Variants in ACYP2 observed in about 807,000 individuals in gnomAD.
ACYP2 encodes acylphosphatase 2.
Under a neutral mutation model 11.2 loss-of-function variants are expected in ACYP2, and 12 were observed. That is an observed-to-expected ratio of 1.08 (90% confidence interval 0.69 to 1.74). The LOEUF (loss-of-function observed/expected upper bound fraction) is 1.74, where lower values mean the gene tolerates loss of function less well. ACYP2 is among the 40% of genes most tolerant of loss of function. ACYP2 has a pLI of 0.00. For missense variants in ACYP2, 134 were observed against 101.9 expected (o/e 1.31, Z -1.35); for synonymous variants, 43 against 32.2 (o/e 1.33, Z -1.13).
At chr2:54,042,878 T>A (rs1268795049) in intron 2 of ACYP2, among the ~76,000 whole-genome samples, 4 of 152,190 alleles carry the variant, frequency 2.6e-5, no homozygotes, top group Non-Finnish European at 5.9e-5. Flanking sequence ...GACCAACCAA[T>A]CTTTCTTAGG....
chr2:54,238,838 A>G (rs576248814), intron 6 of ACYP2, among the ~76,000 whole-genome samples: 35 of 151,970 alleles, frequency 2.3e-4, no homozygotes, highest in South Asian at 4.2e-4. Flanking sequence ...ATGAGTGCTT[A>G]TAAGTACAAA....
chr2:54,194,387 A>G (rs1162253167), intron 6 of ACYP2, among the ~76,000 whole-genome samples: 3 of 152,126 alleles, frequency 2.0e-5, no homozygotes, highest in Non-Finnish European at 4.4e-5. Flanking sequence ...ATTTTAGTCA[A>G]TTCTACAGGA....
At chr2:54,226,684 A>C (rs1686024896) in intron 6 of ACYP2, among the ~76,000 whole-genome samples, 1 of 152,158 alleles carries the variant, frequency 6.6e-6, no homozygotes, top group Non-Finnish European at 1.5e-5. Flanking sequence ...AGTCTTTTCC[A>C]ATTTGATGTT....
intron 4 of ACYP2, chr2:54,065,439 T>C (rs994072350): frequency 8.8e-5 from 35 of 398,470 alleles, no homozygotes; most frequent in Non-Finnish European, 1.5e-4. Flanking sequence ...GGATGACCAA[T>C]TGTATGTACA....
intron 6 of ACYP2, among the ~76,000 whole-genome samples, chr2:54,162,936 C>T (rs889737185): frequency 2.0e-5 from 3 of 152,112 alleles, no homozygotes; most frequent in African/African-American, 4.8e-5. Context: ...TGCGGTGAAT[C>T]GTGATCACCG....
At chr2:54,149,472 A>G (rs916448893) in intron 6 of ACYP2, among the ~76,000 whole-genome samples, 1 of 152,210 alleles carries the variant, frequency 6.6e-6, no homozygotes. Context: ...TTTTTGATGC[A>G]TAAGGACTGT....
At position 54,123,386 on chromosome 2, in the gene ACYP2, G is replaced by C. The variant is rs550840933; in HGVS notation, c.278-12067G>C. The C allele has an allele frequency of 1.5e-5, 6 of 398,582 alleles. No homozygotes were observed. In the South Asian group the frequency reaches 7.6e-4, roughly 51 times the overall value. 24.7% of individuals were successfully genotyped at this position (398,582 alleles called of 1,614,324 possible). On this transcript the variant is annotated intron_variant, in intron 4 of 6. Transcript: ENST00000607452. ...TGTACGGTAAGCAAAATTGGAGAAT[G>C]ACTGCCCTTGTTCTACAAATAGAGG...
At chr2:54,139,483 G>A (rs1409532342) in intron 6 of ACYP2, among the ~76,000 whole-genome samples, 1 of 152,144 alleles carries the variant, frequency 6.6e-6, no homozygotes, top group East Asian at 1.9e-4. Context: ...CAAAAGCCTT[G>A]TGTTTTCAGC....
At chr2:54,180,157 C>T (rs1683644931) in intron 6 of ACYP2, among the ~76,000 whole-genome samples, 1 of 152,180 alleles carries the variant, frequency 6.6e-6, no homozygotes, top group African/African-American at 2.4e-5. Flanking sequence ...CATGCAGCTT[C>T]CATGCTGTCC....
At position 54,030,346 on chromosome 2, in the gene ACYP2, T is replaced by C. The variant is rs564205048; in HGVS notation, c.63-20612T>C. Among the ~76,000 whole-genome samples, 4 of 152,306 alleles carry C rather than the reference T, an allele frequency of 2.6e-5. No homozygotes were observed. The South Asian group carries it at 8.3e-4, about 32-fold the overall frequency. The stretch of plus-strand genomic sequence containing the variant: ...CTGGCACAAGGAATGTATGACTGTC[T>C]CTATTATTTTGGTTTGCTCCAGGTT... On this transcript the variant is annotated intron_variant, in intron 2 of 6. Coordinates refer to ENST00000607452, the MANE Select transcript of ACYP2 (RefSeq NM_001320586.2).
chr2:53,979,727 A>G (rs886771269), intron 2 of ACYP2, among the ~76,000 whole-genome samples: 1 of 151,958 alleles, frequency 6.6e-6, no homozygotes, highest in Non-Finnish European at 1.5e-5. Context: ...TTTTAGATGG[A>G]GTCTCACTCT....
At chr2:54,175,802 A>G (rs1043046613) in intron 6 of ACYP2, among the ~76,000 whole-genome samples, 6 of 152,116 alleles carry the variant, frequency 3.9e-5, no homozygotes, top group South Asian at 4.1e-4. Flanking sequence ...CGCTGTACAC[A>G]TGGTCCCTAC....
chr2:54,159,662 G>A (rs1297956985), intron 6 of ACYP2, among the ~76,000 whole-genome samples: 1 of 152,136 alleles, frequency 6.6e-6, no homozygotes, highest in Non-Finnish European at 1.5e-5. Flanking sequence ...GGGTGAGAGA[G>A]GTAGGCAGGT....
intron 6 of ACYP2, among the ~76,000 whole-genome samples, chr2:54,192,352 T>C (rs1057200773): frequency 1.3e-5 from 2 of 152,156 alleles, no homozygotes; most frequent in Non-Finnish European, 2.9e-5. Flanking sequence ...TATTACTGTT[T>C]TAAAATGTCC....
At chr2:54,243,652 C>G (rs1686825571) in intron 6 of ACYP2, among the ~76,000 whole-genome samples, 1 of 152,140 alleles carries the variant, frequency 6.6e-6, no homozygotes, top group South Asian at 2.1e-4. Flanking sequence ...TCACTGCAAC[C>G]TCTGCCTCCC....
intron 6 of ACYP2, among the ~76,000 whole-genome samples, chr2:54,289,504 T>G (rs1220453445): frequency 6.6e-6 from 1 of 152,012 alleles, no homozygotes; most frequent in Non-Finnish European, 1.5e-5. Context: ...AGATACATAT[T>G]TCTTCCTCAC....
At chr2:54,112,864 C>G (rs113908757) in intron 4 of ACYP2, among the ~76,000 whole-genome samples, 27 of 152,274 alleles carry the variant, frequency 1.8e-4, no homozygotes, top group African/African-American at 6.3e-4. Flanking sequence ...AAGCAAATGT[C>G]AATTGTTGCT....
At chr2:54,255,771 C>A in intron 6 of ACYP2, 1 of 1,613,934 alleles carries the variant, frequency 6.2e-7, no homozygotes, top group East Asian at 2.2e-5. Context: ...TTTCTAGAGC[C>A]TTCTCCCCAC....
At chr2:54,189,499 T>C (rs1431516811) in intron 6 of ACYP2, among the ~76,000 whole-genome samples, 2 of 152,138 alleles carry the variant, frequency 1.3e-5, no homozygotes, top group African/African-American at 2.4e-5. Context: ...GGACCTCCTC[T>C]TTTTTAAAGG....
Sources: gnomAD v4.1 joint callset for allele counts (sites outside exome capture counted in the v4.1 genomes callset) on GRCh38, gnomAD v4.1.1 for gene constraint, MANE v1.5 for transcripts, NCBI Gene and HGNC (gene_info 2026-07-23, HGNC 2026-07-21) for gene names.